Variants in ERICH6B observed in about 807,000 individuals in gnomAD.
ERICH6B encodes the protein glutamate rich 6B.
In ERICH6B, 69 loss-of-function variants were observed where a neutral mutation model predicts 80.0. The ratio of observed to expected loss-of-function variants is 0.86; its 90% CI spans 0.71 to 1.05. ERICH6B has a LOEUF of 1.05. ERICH6B is among the 50% of genes least tolerant of loss of function. The pLI, the probability that ERICH6B is intolerant of heterozygous loss-of-function variation, is 0.00. For missense variants in ERICH6B, 754 were observed against 796.1 expected (o/e 0.95, Z 0.64); for synonymous variants, 283 against 291.9 (o/e 0.97, Z 0.31).
At chr13:45,590,036 GC>G (rs548170243) in intron 4 of ERICH6B, among the ~76,000 whole-genome samples, 1 of 152,138 alleles carries the variant, frequency 6.6e-6, no homozygotes, top group Non-Finnish European at 1.5e-5. Flanking sequence ...CTGGTCCCGT[GC>G]TTTTTTTAGA....
intron 14 of ERICH6B, among the ~76,000 whole-genome samples, chr13:45,543,863 G>A (rs1873884922): frequency 6.6e-6 from 1 of 152,168 alleles, no homozygotes; most frequent in Non-Finnish European, 1.5e-5. Context: ...GGACACAACA[G>A]CAGGCCTGGG....
chr13:45,556,284 C>T (rs908561117), intron 11 of ERICH6B, among the ~76,000 whole-genome samples: 4 of 152,068 alleles, frequency 2.6e-5, no homozygotes, highest in East Asian at 1.9e-4. Context: ...CCTAGGGCAC[C>T]GTAGGTTCTC....
At chr13:45,570,884 G>A (rs1215945642) in intron 8 of ERICH6B, among the ~76,000 whole-genome samples, 2 of 134,724 alleles carry the variant, frequency 1.5e-5, no homozygotes, top group Admixed American at 7.4e-5. Context: ...GTTCCATATG[G>A]CATTCACTCC....
chr13:45,606,547 A>ATTTTTTTTTTTTT (rs71074722), intron 2 of ERICH6B, among the ~76,000 whole-genome samples: 1 of 16,612 alleles, frequency 6.0e-5, no homozygotes, highest in African/African-American at 1.8e-4. Flanking sequence ...ATATATATAT[A>ATTTTTTTTTTTTT]TTTTTTTTTT....
In ERICH6B at chr13:45,553,007, CAGGTTTT is replaced by C. The variant is rs1246897121; in HGVS notation, c.1408-2698_1408-2692del. 1.2e-4 allele frequency: 25 copies of C among 213,202 alleles called. No individual in the cohort carries two copies. The Admixed American group carries it at 1.2e-3, about 10-fold the overall frequency. 13.2% of individuals were successfully genotyped at this position (213,202 alleles called of 1,614,324 possible). On this transcript the variant is annotated intron_variant, in intron 11 of 14. Transcript: ENST00000298738. The stretch of plus-strand genomic sequence containing the variant: ...CAATGTTCTGAGCGGATGGTCTCTT[CAGGTTTT>C]AGTTCTCTTGTTGTGAAGTCTTTAA...
intron 2 of ERICH6B, among the ~76,000 whole-genome samples, chr13:45,604,411 C>G (rs1166431582): frequency 6.6e-6 from 1 of 152,188 alleles, no homozygotes; most frequent in Non-Finnish European, 1.5e-5. Flanking sequence ...CTGCCCATCT[C>G]CATCCATCCG....
chr13:45,606,547 ATTTTTTTTTT>A (rs71074722), intron 2 of ERICH6B, among the ~76,000 whole-genome samples: 92 of 16,572 alleles, frequency 5.6e-3, no homozygotes, highest in South Asian at 9.0e-3. Context: ...ATATATATAT[ATTTTTTTTTT>A]TTTTTTTTTT....
intron 11 of ERICH6B, among the ~76,000 whole-genome samples, chr13:45,556,239 C>T (rs923176425): frequency 2.0e-5 from 3 of 152,066 alleles, no homozygotes; most frequent in African/African-American, 7.2e-5. Flanking sequence ...GGCTGTGTCT[C>T]ATTTGCCTCT....
At position 45,560,158 on chromosome 13, in the gene ERICH6B, C is replaced by T. The variant is rs1322708946; in HGVS notation, c.1407+1211G>A. On this transcript the variant is annotated intron_variant, in intron 11 of 14. Coordinates refer to ENST00000298738, the MANE Select transcript of ERICH6B (RefSeq NM_182542.3). Reference sequence around the variant, plus strand: ...TCTTTGTCTTTCTAAACTGCTATTGCTTTAAAGTTTGTTTTGTCTGACATA... The same window carrying T: ...TCTTTGTCTTTCTAAACTGCTATTGTTTTAAAGTTTGTTTTGTCTGACATA... 5.3e-5 allele frequency among the ~76,000 whole-genome samples: 8 copies of T among 152,110 alleles called. No individual in the cohort carries two copies. The South Asian group carries it at 1.4e-3, about 28-fold the overall frequency.
intron 6 of ERICH6B, 22 bp downstream of exon 6, chr13:45,580,581 T>A (rs1566297142): frequency 6.4e-7 from 1 of 1,550,960 alleles, no homozygotes; most frequent in Non-Finnish European, 8.7e-7. Context: ...TACAGATCAT[T>A]TAAAATCATC....
chr13:45,587,042 A>G (rs1199152156), intron 5 of ERICH6B, 21 bp downstream of exon 5: 3 of 1,547,692 alleles, frequency 1.9e-6, no homozygotes, highest in Non-Finnish European at 2.6e-6. Flanking sequence ...CGCCTCACCG[A>G]CAGAGCGCAG....
intron 2 of ERICH6B, among the ~76,000 whole-genome samples, chr13:45,605,495 A>T (rs1489105442): frequency 6.6e-6 from 1 of 152,174 alleles, no homozygotes; most frequent in Non-Finnish European, 1.5e-5. Context: ...TATCATCTCC[A>T]TCTTATAGAT....
At chr13:45,554,462 G>A (rs538862965) in intron 11 of ERICH6B, among the ~76,000 whole-genome samples, 2 of 152,328 alleles carry the variant, frequency 1.3e-5, no homozygotes, top group East Asian at 3.9e-4. Context: ...TTCATGGGTA[G>A]CGGGTATTTG....
chr13:45,574,879 G>A lies in ERICH6B; in HGVS notation c.1013C>T (p.Ser338Phe). Residue 338 changes from serine to phenylalanine, a missense_variant, in exon 8 of 15, where the codon TCC (serine) becomes TTC (phenylalanine). Ser to Phe is a radical substitution (Grantham distance 155). Coordinates refer to ENST00000298738, the MANE Select transcript of ERICH6B (RefSeq NM_182542.3). ...ENFWDGITDE[S>F]IDKLEVEDLD... is the part of the protein sequence containing the mutation. ...ATCTTCCACTTCCAGCTTGTCAATG[G>A]ACTCATCTGTTATACCATCCCAAAA... 1 of 1,551,362 alleles carries A rather than the reference G, an allele frequency of 6.4e-7. No homozygotes were observed.
intron 11 of ERICH6B, among the ~76,000 whole-genome samples, chr13:45,558,556 GT>G (rs1309154419): frequency 6.6e-6 from 1 of 152,178 alleles, no homozygotes; most frequent in African/African-American, 2.4e-5. Flanking sequence ...TCAGTATTAT[GT>G]TGGCTGTGGA....
At chr13:45,566,055 C>A (rs1874898103) in intron 9 of ERICH6B, among the ~76,000 whole-genome samples, 1 of 152,120 alleles carries the variant, frequency 6.6e-6, no homozygotes, top group Non-Finnish European at 1.5e-5. Flanking sequence ...CAAAGGTGAG[C>A]CTTTTATGTT....
chr13:45,594,437 G>C (rs1434317881), intron 3 of ERICH6B, among the ~76,000 whole-genome samples: 2 of 152,214 alleles, frequency 1.3e-5, no homozygotes, highest in African/African-American at 4.8e-5. Context: ...TGTTAAGAAT[G>C]CTTGATTCAT....
intron 3 of ERICH6B, among the ~76,000 whole-genome samples, chr13:45,593,198 G>A (rs1159078722): frequency 1.3e-5 from 2 of 152,156 alleles, no homozygotes; most frequent in Non-Finnish European, 2.9e-5. Flanking sequence ...AGGTGGGTGG[G>A]GGTTGTTAGT....
At chr13:45,593,269 G>A (rs1216227106) in intron 3 of ERICH6B, among the ~76,000 whole-genome samples, 1 of 152,142 alleles carries the variant, frequency 6.6e-6, no homozygotes, top group Non-Finnish European at 1.5e-5. Context: ...CTATAGGGTA[G>A]ATGAGTGGAG....
Sources: allele counts gnomAD v4.1 joint callset (sites outside exome capture counted in the v4.1 genomes callset), GRCh38; gene constraint gnomAD v4.1.1; transcripts MANE v1.5; gene names NCBI Gene and HGNC (gene_info 2026-07-23, HGNC 2026-07-21).